The following SIPA1L3 variants were observed in gnomAD, a reference collection of about 807,000 sequenced individuals.
SIPA1L3 encodes signal-induced proliferation-associated 1-like protein 3.
SIPA1L3 carries 59 observed loss-of-function variants against 150.1 expected under a neutral mutation model. That is an observed-to-expected ratio of 0.39 (90% CI 0.32 to 0.49). The LOEUF (loss-of-function observed/expected upper bound fraction) is 0.49, where lower values mean the gene tolerates loss of function less well. Among genes scored for constraint, SIPA1L3 ranks in the 20% least tolerant of loss-of-function variants. SIPA1L3 has a pLI of 0.86. For synonymous variants in SIPA1L3, 1,070 were observed against 1,077.6 expected (o/e 0.99, Z 0.14); for missense variants, 2,211 against 2,489.5 (o/e 0.89, Z 2.38).
At chr19:37,971,132 TTTTGTTTG>T (rs565725956) in intron 1 of SIPA1L3, among the ~76,000 whole-genome samples, 1 of 152,062 alleles carries the variant, frequency 6.6e-6, no homozygotes. Context: ...CCATGCTTTT[TTTTGTTTG>T]TTTGTTTGTT....
intron 1 of SIPA1L3, among the ~76,000 whole-genome samples, chr19:37,911,160 A>C (rs999697205): frequency 2.6e-5 from 4 of 152,212 alleles, no homozygotes; most frequent in Admixed American, 2.0e-4. Flanking sequence ...CATAATGAAC[A>C]AAATGGATGT....
At chr19:37,985,160 C>T (rs1967313557) in intron 1 of SIPA1L3, among the ~76,000 whole-genome samples, 1 of 151,700 alleles carries the variant, frequency 6.6e-6, no homozygotes, top group Non-Finnish European at 1.5e-5. Flanking sequence ...GCCTGGGCGA[C>T]AGAGCAAGAT....
intron 4 of SIPA1L3, among the ~76,000 whole-genome samples, chr19:38,090,330 C>CAAAAA (rs55941671): frequency 1.4e-5 from 1 of 70,362 alleles, no homozygotes; most frequent in African/African-American, 5.0e-5. Flanking sequence ...AACTCCATCT[C>CAAAAA]AAAAAAAAAA....
intron 1 of SIPA1L3, among the ~76,000 whole-genome samples, chr19:37,931,781 T>C (rs1220046279): frequency 6.6e-6 from 1 of 151,886 alleles, no homozygotes; most frequent in Non-Finnish European, 1.5e-5. Context: ...ATAAATAAAG[T>C]AGTGGGTAAA....
chr19:38,075,286 G>A (rs906866378), intron 2 of SIPA1L3, among the ~76,000 whole-genome samples: 7 of 151,630 alleles, frequency 4.6e-5, no homozygotes, highest in Admixed American at 2.6e-4. Flanking sequence ...GAGAAAACCC[G>A]TCTCTACAAA....
intron 1 of SIPA1L3, among the ~76,000 whole-genome samples, chr19:38,023,742 C>T (rs140375333): frequency 6.6e-6 from 1 of 152,332 alleles, no homozygotes; most frequent in East Asian, 1.9e-4. Flanking sequence ...CACAGCGGCA[C>T]AGAAGAGAAA....
chr19:37,932,497 T>G (rs1167901643), intron 1 of SIPA1L3: 1 of 152,262 alleles, frequency 6.6e-6, no homozygotes, highest in Non-Finnish European at 1.5e-5. Context: ...TGTTAGGAGC[T>G]GGCACGGCAG....
rs1973154502 is a variant in SIPA1L3, at chr19:38,204,218, G to A, written c.5202+10G>A. On this transcript the variant is annotated intron_variant, in intron 21 of 21. Transcript: ENST00000222345. ...CACTGACCTGCAGAAGGTAAGGCCG[G>A]GGGCCACGCCCTCTCCATCCCACTT... The A allele has an allele frequency of 1.9e-6, 3 of 1,551,478 alleles. No homozygotes were observed. In the East Asian group the frequency reaches 7.3e-5, roughly 38 times the overall value.
Position 38,167,231 on chromosome 19 carries a change from C to CAA in SIPA1L3, c.4208+2341_4208+2342dup, listed in dbSNP as rs370193698. Among the ~76,000 whole-genome samples the CAA allele has an allele frequency of 1.5e-4, 13 of 87,502 alleles. 1 individual carries two copies. The highest frequency in any genetic ancestry group is 8.8e-4 in the South Asian group (2 of 2,264). The allele number at this position is 87,502 out of a possible 152,430, so 57.4% of individuals were successfully genotyped here. Reference sequence around the variant, plus strand: ...CTGGCAACAGAGCGAGATTCCATCTCAAAAAAAAAAAAAAAAAGGTGAAGC... The same window carrying CAA: ...CTGGCAACAGAGCGAGATTCCATCTCAAAAAAAAAAAAAAAAAAAGGTGAAGC... On this transcript the variant is annotated intron_variant, in intron 15 of 21. Coordinates refer to ENST00000222345, the MANE Select transcript of SIPA1L3 (RefSeq NM_015073.3).
intron 1 of SIPA1L3, among the ~76,000 whole-genome samples, chr19:37,998,710 C>T (rs1419508098): frequency 6.6e-6 from 1 of 151,970 alleles, no homozygotes; most frequent in East Asian, 1.9e-4. Context: ...ATCACTTGAG[C>T]CTGGGAGGTT....
intron 20 of SIPA1L3, 92 bp downstream of exon 20, chr19:38,202,089 A>C (rs1600211150): frequency 5.4e-6 from 7 of 1,297,606 alleles, no homozygotes; most frequent in Non-Finnish European, 2.1e-6. Flanking sequence ...CATGTGGGTC[A>C]CCCCCACCAC....
chr19:38,050,284 C>G (rs550533024), intron 2 of SIPA1L3, among the ~76,000 whole-genome samples: 2 of 151,840 alleles, frequency 1.3e-5, no homozygotes, highest in Non-Finnish European at 2.9e-5. Context: ...GATGAAACCC[C>G]GTCTCCACTA....
chr19:37,912,913 G>A (rs2046388069), intron 1 of SIPA1L3, among the ~76,000 whole-genome samples: 1 of 152,214 alleles, frequency 6.6e-6, no homozygotes, highest in Non-Finnish European at 1.5e-5. Context: ...GAAGGGAGGA[G>A]ATTTGCCCAG....
At chr19:38,007,012 G>A (rs1967958347) in intron 1 of SIPA1L3, among the ~76,000 whole-genome samples, 1 of 152,204 alleles carries the variant, frequency 6.6e-6, no homozygotes, top group Non-Finnish European at 1.5e-5. Flanking sequence ...TTCCGTGTCT[G>A]TGGTGCTGCT....
At chr19:37,913,876 G>A (rs919940079) in intron 1 of SIPA1L3, among the ~76,000 whole-genome samples, 6 of 151,626 alleles carry the variant, frequency 4.0e-5, no homozygotes, top group African/African-American at 7.3e-5. Context: ...TTAGCCAGGT[G>A]TGGTGACAGG....
At chr19:37,917,204 G>A (rs904229508) in intron 1 of SIPA1L3, among the ~76,000 whole-genome samples, 1 of 151,876 alleles carries the variant, frequency 6.6e-6, no homozygotes, top group African/African-American at 2.4e-5. Flanking sequence ...ATCTCAGTTG[G>A]TACCAGCCAT....
chr19:38,139,688 C>A (rs1306578718), intron 10 of SIPA1L3, among the ~76,000 whole-genome samples: 1 of 152,150 alleles, frequency 6.6e-6, no homozygotes, highest in Non-Finnish European at 1.5e-5. Context: ...CTGTCTTAGT[C>A]TGTTTTGTGC....
intron 3 of SIPA1L3, among the ~76,000 whole-genome samples, chr19:38,088,059 A>C (rs1393237318): frequency 6.6e-6 from 1 of 152,250 alleles, no homozygotes; most frequent in African/African-American, 2.4e-5. Context: ...GTAAAGAAAC[A>C]TGGTGAGATA....
At chr19:38,117,117 C>T (rs1246074687) in intron 8 of SIPA1L3, among the ~76,000 whole-genome samples, 1 of 152,218 alleles carries the variant, frequency 6.6e-6, no homozygotes, top group African/African-American at 2.4e-5. Flanking sequence ...AGCCTGGTTA[C>T]CTCTCCTGCT....
Sources: allele counts gnomAD v4.1 joint callset (sites outside exome capture counted in the v4.1 genomes callset), GRCh38; gene constraint gnomAD v4.1.1; transcripts MANE v1.5; gene names NCBI Gene and HGNC (gene_info 2026-07-23, HGNC 2026-07-21).